Variants in MAOB observed in about 807,000 individuals in gnomAD.
MAOB encodes monoamine oxidase B.
A neutral mutation model predicts 41.9 loss-of-function variants in MAOB; 15 were observed. The observed-to-expected ratio is 0.36, with a 90% CI of 0.24 to 0.55. The LOEUF (loss-of-function observed/expected upper bound fraction) is 0.55. Among genes scored for constraint, MAOB ranks in the 20% least tolerant of loss-of-function variants. MAOB has a pLI of 0.86. For synonymous variants in MAOB, 167 were observed against 144.2 expected (o/e 1.16, Z -1.13); for missense variants, 345 against 398.7 (o/e 0.87, Z 1.15).
chrX:43,783,794 T>C (rs1238633916), intron 8 of MAOB, among the ~76,000 whole-genome samples: 3 of 111,998 alleles, frequency 2.7e-5, no homozygotes, highest in Admixed American at 1.9e-4. Context: ...CCTTTTTTTA[T>C]GAAAAATTTC....
At chrX:43,860,448 T>G (rs888333861) in intron 1 of MAOB, among the ~76,000 whole-genome samples, 1 of 111,550 alleles carries the variant, frequency 9.0e-6, no homozygotes, top group Non-Finnish European at 1.9e-5. Flanking sequence ...GAATTGTCCT[T>G]GATTCTTTTT....
chrX:43,787,325 T>A (rs1285246775), intron 8 of MAOB, among the ~76,000 whole-genome samples: 1 of 111,609 alleles, frequency 9.0e-6, no homozygotes, highest in Non-Finnish European at 1.9e-5. Context: ...GATGAATAAC[T>A]GAAGAAGTTT....
chrX:43,870,794 CAAAAAAAAAA>C (rs763016344), intron 1 of MAOB, among the ~76,000 whole-genome samples: 1 of 21,937 alleles, frequency 4.6e-5, no homozygotes, highest in Non-Finnish European at 7.8e-5. Context: ...GACTCCACCT[CAAAAAAAAAA>C]AAAAAAAAAA....
intron 10 of MAOB, among the ~76,000 whole-genome samples, chrX:43,780,043 T>C (rs1344624486): frequency 9.0e-6 from 1 of 111,620 alleles, no homozygotes; most frequent in Non-Finnish European, 1.9e-5. Flanking sequence ...TTTCATATTC[T>C]CCGTAGCCCC....
At chrX:43,874,452 CAT>C (rs1248751944) in intron 1 of MAOB, among the ~76,000 whole-genome samples, 1 of 111,539 alleles carries the variant, frequency 9.0e-6, no homozygotes, top group Non-Finnish European at 1.9e-5. Flanking sequence ...AATTTCTATC[CAT>C]GTTTTGGCTT....
chrX:43,841,329 T>C (rs781617863), intron 2 of MAOB, among the ~76,000 whole-genome samples: 1 of 111,652 alleles, frequency 9.0e-6, no homozygotes, highest in Non-Finnish European at 1.9e-5. Flanking sequence ...TAAGGGTATT[T>C]ATAAATTGGT....
chrX:43,874,838 T>C (rs112129729), intron 1 of MAOB, among the ~76,000 whole-genome samples: 2,223 of 112,182 alleles, frequency 0.02, 47 homozygotes, highest in African/African-American at 0.066. Flanking sequence ...GGGTCTTTAA[T>C]GATTCTTCTA....
intron 11 of MAOB, among the ~76,000 whole-genome samples, chrX:43,775,761 T>C (rs1348866448): frequency 9.0e-6 from 1 of 111,728 alleles, no homozygotes; most frequent in Non-Finnish European, 1.9e-5. Flanking sequence ...AGCACTTCTG[T>C]TGATGGTGGT....
At chrX:43,864,034 T>C (rs181744669) in intron 1 of MAOB, among the ~76,000 whole-genome samples, 4 of 111,688 alleles carry the variant, frequency 3.6e-5, no homozygotes, top group African/African-American at 1.3e-4. Flanking sequence ...GTTTATATTA[T>C]GCTTTTTAAA....
intron 1 of MAOB, among the ~76,000 whole-genome samples, chrX:43,876,021 C>G (rs775099253): frequency 9.0e-6 from 1 of 111,501 alleles, no homozygotes; most frequent in Non-Finnish European, 1.9e-5. Context: ...GGCAGTGGCA[C>G]AATCTCGGCT....
chrX:43,845,218 G>A, intron 1 of MAOB, among the ~76,000 whole-genome samples: 1 of 111,130 alleles, frequency 9.0e-6, no homozygotes. Flanking sequence ...CATGATGAGT[G>A]GGCTGAATGT....
At chrX:43,845,183 G>T (rs2035186028) in intron 1 of MAOB, among the ~76,000 whole-genome samples, 1 of 111,315 alleles carries the variant, frequency 9.0e-6, no homozygotes, top group Non-Finnish European at 1.9e-5. Context: ...AGCTTTCTCA[G>T]AGAACAGAAA....
At chrX:43,806,804 T>C (rs1013912444) in intron 3 of MAOB, among the ~76,000 whole-genome samples, 1 of 112,383 alleles carries the variant, frequency 8.9e-6, no homozygotes, top group Admixed American at 9.4e-5. Flanking sequence ...ATATGTGTTT[T>C]ATACCTTGTG....
chrX:43,872,418 A>G (rs2035414241), intron 1 of MAOB, among the ~76,000 whole-genome samples: 1 of 111,988 alleles, frequency 8.9e-6, no homozygotes, highest in Admixed American at 9.5e-5. Flanking sequence ...TTTCCTATTG[A>G]AATGGCTAAG....
chrX:43,783,810 A>G (rs1413733793), intron 8 of MAOB, among the ~76,000 whole-genome samples: 4 of 111,954 alleles, frequency 3.6e-5, no homozygotes, highest in African/African-American at 1.3e-4. Context: ...ATTTCTCTGA[A>G]GGCTGCGATG....
intron 8 of MAOB, 23 bp downstream of exon 8, chrX:43,793,396 T>A: frequency 8.9e-7 from 1 of 1,128,460 alleles, no homozygotes; most frequent in Non-Finnish European, 1.2e-6. Context: ...TTCTAAAGGT[T>A]TTTATATAAG....
chrX:43,834,049 A>G (rs1289868721), intron 3 of MAOB, among the ~76,000 whole-genome samples: 4 of 112,230 alleles, frequency 3.6e-5, no homozygotes, highest in Middle Eastern at 4.6e-3. Flanking sequence ...CCTTGAAAAA[A>G]TCTTCCATAA....
At chrX:43,771,437 TA>T (rs2034181521) in intron 12 of MAOB, among the ~76,000 whole-genome samples, 1 of 111,810 alleles carries the variant, frequency 8.9e-6, no homozygotes, top group East Asian at 2.8e-4. Flanking sequence ...CCACTTATAA[TA>T]TTTTCAATTT....
chrX:43,873,975 G>T (rs936260859), intron 1 of MAOB, among the ~76,000 whole-genome samples: 6 of 111,766 alleles, frequency 5.4e-5, no homozygotes, highest in Non-Finnish European at 9.4e-5. Context: ...GCACCCGGCC[G>T]ACAGTTTTTA....
Sources: allele counts gnomAD v4.1 joint callset (sites outside exome capture counted in the v4.1 genomes callset), GRCh38; gene constraint gnomAD v4.1.1; transcripts MANE v1.5; gene names NCBI Gene and HGNC (gene_info 2026-07-23, HGNC 2026-07-21).